Variants in APC observed in about 807,000 individuals in gnomAD.
APC encodes the protein APC regulator of Wnt signaling pathway, also known as adenomatous polyposis coli protein.
In APC, 72 loss-of-function variants were observed where a neutral mutation model predicts 247.0. The ratio of observed to expected loss-of-function variants is 0.29; its 90% confidence interval spans 0.24 to 0.35. APC has a LOEUF of 0.35. Among genes scored for constraint, APC ranks in the 10% least tolerant of loss-of-function variants. The probability of loss-of-function intolerance (pLI) is 1.00; values close to 1 mark genes in which losing one functional copy is unlikely to be tolerated. For synonymous variants in APC, 1,254 were observed against 1,162.5 expected (o/e 1.08, Z -1.60); for missense variants, 3,400 against 3,360.7 (o/e 1.01, Z -0.29).
chr5:112,829,084 C>T, intron 14 of APC, 112 bp downstream of exon 14: 1 of 750,160 alleles, frequency 1.3e-6, no homozygotes, highest in South Asian at 1.5e-5. Context: ...TTATTCAGTA[C>T]TATAATATGA....
At chr5:112,766,295 T>G in intron 2 of APC, 31 bp from the exon 3 acceptor site, 3 of 1,427,792 alleles carry the variant, frequency 2.1e-6, no homozygotes, top group Non-Finnish European at 3.0e-6. Flanking sequence ...ATTTAGAATT[T>G]CATGTTAATA....
intron 1 of APC, among the ~76,000 whole-genome samples, chr5:112,720,824 C>T (rs1448894361): frequency 1.3e-5 from 2 of 152,138 alleles, no homozygotes; most frequent in Non-Finnish European, 2.9e-5. Flanking sequence ...GGTTTTCCCC[C>T]TTTCCTCTAT....
upstream of APC, among the ~76,000 whole-genome samples, chr5:112,737,320 A>G (rs1752456048): frequency 6.6e-6 from 1 of 152,186 alleles, no homozygotes; most frequent in African/African-American, 2.4e-5. Context: ...AACTCAGGCA[A>G]CCCAGACTTC....
In APC at chr5:112,841,518, T is replaced by A. The variant is rs751710222; in HGVS notation, c.5924T>A (p.Ile1975Asn). The A allele has an allele frequency of 6.2e-7, 1 of 1,613,850 alleles. No individual in the cohort carries two copies. Among genetic ancestry groups the A allele is most frequent in the Non-Finnish European group, 8.5e-7 (1 of 1,179,788 alleles). The change falls in exon 16 of 16, where the codon ATT (isoleucine) becomes AAT (asparagine). Residue 1975 changes from isoleucine (I) to asparagine (N), a missense_variant. Transcript: ENST00000257430. This position sits in a 1 kb window ranked among gnomAD's most constrained non-coding sequence, Gnocchi z 4.6. Reference protein sequence around the residue: ...HNSSLSSLSDIDQENNNKENE... With the variant: ...HNSSLSSLSDNDQENNNKENE... ...TCCTCTCTGAGTTCTCTCAGTGACATTGACCAAGAAAACAACAATAAAGAA... is the reference window on the plus strand; with the variant it reads ...TCCTCTCTGAGTTCTCTCAGTGACAATGACCAAGAAAACAACAATAAAGAA...
intron 8 of APC, among the ~76,000 whole-genome samples, chr5:112,812,072 C>G (rs1762043111): frequency 6.6e-6 from 1 of 152,170 alleles, no homozygotes; most frequent in Non-Finnish European, 1.5e-5. Context: ...TCAGAGGGAA[C>G]AAGAGAGGTG....
intron 1 of APC, among the ~76,000 whole-genome samples, chr5:112,739,458 T>G (rs527476945): frequency 3.4e-4 from 52 of 152,372 alleles, no homozygotes; most frequent in Non-Finnish European, 6.3e-4. Context: ...GGAATTGGGC[T>G]GGCTTAGATA....
chr5:112,712,715 C>A (rs1202061727), intron 1 of APC, among the ~76,000 whole-genome samples: 1 of 152,088 alleles, frequency 6.6e-6, no homozygotes, highest in Non-Finnish European at 1.5e-5. Context: ...TATTCCTCTT[C>A]CCCCGATTTC....
intron 1 of APC, among the ~76,000 whole-genome samples, chr5:112,722,936 T>A (rs2149659651): frequency 6.6e-6 from 1 of 152,180 alleles, no homozygotes; most frequent in East Asian, 1.9e-4. Context: ...AAGTGCGTGA[T>A]CTAAGCCCAG....
Position 112,844,233 on chromosome 5 carries a change from T to A in APC, c.*107T>A. ...AAGACTGAAAAATTTTGTAAATAGG[T>A]TTGATTCTTGTTAGAGGGTTTTTGT... On this transcript the variant is annotated 3_prime_UTR_variant, in exon 16 of 16. Transcript: ENST00000257430. 2 of 1,079,216 alleles carry A rather than the reference T, an allele frequency of 1.9e-6. No homozygotes were observed. The highest frequency in any genetic ancestry group is 4.8e-5 in the Admixed American group (2 of 42,002). The allele number at this position is 1,079,216 out of a possible 1,614,324, so 66.9% of individuals were successfully genotyped here. A position where few individuals can be genotyped will look rare whatever the true frequency, so the allele number is the denominator to read the frequency against.
rs2546111 is a variant in APC, at chr5:112,833,828, T to A, written c.1744-1123T>A. 0.66 allele frequency among the ~76,000 whole-genome samples: 99,857 copies of A among 152,148 alleles called. 33,188 individuals carry two copies. Among genetic ancestry groups the A allele is most frequent in the East Asian group, 0.9 (4,675 of 5,188 alleles). The stretch of plus-strand genomic sequence containing the variant: ...ACATTGTTAATTTTGAATCAACCAC[T>A]TGTATATAATGCTTTTTATATAAAC... On this transcript the variant is annotated intron_variant, in intron 14 of 15. Coordinates refer to ENST00000257430, the MANE Select transcript of APC (RefSeq NM_000038.6).
chr5:112,809,809 G>A (rs1761799815), intron 8 of APC, among the ~76,000 whole-genome samples: 1 of 152,090 alleles, frequency 6.6e-6, no homozygotes, highest in Non-Finnish European at 1.5e-5. Context: ...AGACCATCCT[G>A]GCCTTGGTGA....
intron 1 of APC, among the ~76,000 whole-genome samples, chr5:112,722,266 T>G (rs548375992): frequency 1.3e-5 from 2 of 152,248 alleles, no homozygotes; most frequent in Non-Finnish European, 2.9e-5. Flanking sequence ...CATACTATTA[T>G]GGCATTTTAA....
upstream of APC, among the ~76,000 whole-genome samples, chr5:112,734,503 T>A (rs1377343560): frequency 1.3e-5 from 2 of 152,160 alleles, no homozygotes; most frequent in Non-Finnish European, 2.9e-5. Context: ...TAGTAACTGT[T>A]TTTTCAATGC....
intron 1 of APC, among the ~76,000 whole-genome samples, chr5:112,723,873 A>G (rs1561406522): frequency 6.6e-6 from 1 of 152,176 alleles, no homozygotes; most frequent in Non-Finnish European, 1.5e-5. Flanking sequence ...CCAAGCAATT[A>G]AAGTGGAAAT....
intron 1 of APC, among the ~76,000 whole-genome samples, chr5:112,744,350 C>G (rs1753398082): frequency 6.6e-6 from 1 of 152,172 alleles, no homozygotes; most frequent in East Asian, 1.9e-4. Context: ...ATAATGCACC[C>G]TTTCTGTTCA....
At position 112,837,980 on chromosome 5, in the gene APC, T is replaced by C. The variant is rs77985571; in HGVS notation, c.2386T>C (p.Tyr796His). 1 of 1,614,170 alleles carries C rather than the reference T, an allele frequency of 6.2e-7. No individual in the cohort carries two copies. The highest frequency in any genetic ancestry group is 1.3e-5 in the African/African-American group (1 of 75,060). Residue 796 changes from tyrosine to histidine, a missense_variant, in exon 16 of 16, where the codon TAT becomes CAT. Tyr to His is a moderately conservative substitution (Grantham distance 83). This residue lies in a region of APC where 91 missense variants were observed against 103.3 expected (regional missense o/e 0.88). Coordinates refer to ENST00000257430, the MANE Select transcript of APC (RefSeq NM_000038.6). ...TAAGCAGAGACACAAGCAAAGTCTC[T>C]ATGGTGATTATGTTTTTGACACCAA... The part of the protein sequence containing the change: ...RSKQRHKQSL[Y>H]GDYVFDTNRH...
Position 112,843,450 on chromosome 5 carries a change from A to G in APC, c.7856A>G (p.Glu2619Gly), listed in dbSNP as rs876659239. The change falls in exon 16 of 16, where the codon GAA (glutamate) becomes GGA (glycine). Residue 2619 changes from glutamate (E) to glycine (G), a missense_variant. Physicochemically the swap from Glu to Gly is moderately conservative, Grantham distance 98 (BLOSUM62 -2). Transcript: ENST00000257430. This position sits in a 1 kb window ranked among gnomAD's most constrained non-coding sequence, Gnocchi z 4.8. Reference sequence around the variant, plus strand: ...ACATGGAGAAAAATAAAAGAAAATGAATTTTCTCCCACAAATAGTACTTCT... The same window carrying G: ...ACATGGAGAAAAATAAAAGAAAATGGATTTTCTCCCACAAATAGTACTTCT... ...KGTWRKIKENEFSPTNSTSQT... is the reference protein window; with the variant it reads ...KGTWRKIKENGFSPTNSTSQT... 1 of 1,613,620 alleles carries G rather than the reference A, an allele frequency of 6.2e-7. No homozygotes were observed. The highest frequency in any genetic ancestry group is 1.1e-5 in the South Asian group (1 of 91,004).
At chr5:112,822,830 C>T (rs2149795187) in intron 11 of APC, among the ~76,000 whole-genome samples, 1 of 152,160 alleles carries the variant, frequency 6.6e-6, no homozygotes, top group East Asian at 1.9e-4. Context: ...ATCCCCTCAT[C>T]GTTTCATTCG....
At chr5:112,771,292 G>T (rs1453330139) in intron 4 of APC, among the ~76,000 whole-genome samples, 1 of 152,060 alleles carries the variant, frequency 6.6e-6, no homozygotes, top group African/African-American at 2.4e-5. Context: ...ATGATAATAT[G>T]AGGATCTAGT....
Sources: allele counts gnomAD v4.1 joint callset (sites outside exome capture counted in the v4.1 genomes callset), GRCh38; gene constraint gnomAD v4.1.1; regional missense constraint gnomAD v4.1.1; non-coding constraint Gnocchi (gnomAD v3.1); transcripts MANE v1.5; gene names NCBI Gene and HGNC (gene_info 2026-07-23, HGNC 2026-07-21).